The following FAM118B variants were observed in gnomAD, a reference collection of about 807,000 sequenced individuals.
FAM118B encodes the protein protein FAM118B.
Under a neutral mutation model 38.5 loss-of-function variants are expected in FAM118B, and 24 were observed. That is an observed-to-expected ratio of 0.62 (90% CI 0.45 to 0.88). The LOEUF (loss-of-function observed/expected upper bound fraction) is 0.88, where lower values mean the gene tolerates loss of function less well. Among genes scored for constraint, FAM118B ranks in the 40% least tolerant of loss-of-function variants. The pLI, the probability that FAM118B is intolerant of heterozygous loss-of-function variation, is 0.00. For missense variants in FAM118B, 334 were observed against 420.0 expected, an observed-to-expected ratio of 0.80 and a Z score of 1.79; for synonymous variants, 138 against 156.3, an observed-to-expected ratio of 0.88 and a Z score of 0.87.
intron 3 of FAM118B, among the ~76,000 whole-genome samples, chr11:126,235,557 C>T (rs687491): frequency 0.19 from 28,127 of 151,776 alleles, 2,731 homozygotes; most frequent in South Asian, 0.23. Flanking sequence ...CTTGCTGTGT[C>T]GCCCAAGCTG....
intron 2 of FAM118B, among the ~76,000 whole-genome samples, chr11:126,229,991 G>A (rs1157480907): frequency 6.6e-6 from 1 of 152,186 alleles, no homozygotes; most frequent in African/African-American, 2.4e-5. Context: ...AAATGAGTGT[G>A]ATACAGATCT....
chr11:126,252,165 T>G lies in FAM118B; in HGVS notation c.567+1432T>G, dbSNP rs1197282641. On this transcript the variant is annotated intron_variant, in intron 5 of 8. Coordinates refer to ENST00000533050, the MANE Select transcript of FAM118B (RefSeq NM_024556.4). The surrounding 1 kb of genome is among the most constrained non-coding windows in gnomAD (Gnocchi z 4.7). Reference sequence around the variant, plus strand: ...TCACGTCTGGCTAATTTTTGTATTTTCAGTAGAGACAGGGTTTCACCATGT... The same window carrying G: ...TCACGTCTGGCTAATTTTTGTATTTGCAGTAGAGACAGGGTTTCACCATGT... Among the ~76,000 whole-genome samples the G allele has an allele frequency of 6.6e-6, 1 of 151,890 alleles. No individual in the cohort carries two copies. Among genetic ancestry groups the G allele is most frequent in the African/African-American group, 2.4e-5 (1 of 41,328 alleles).
chr11:126,225,561 A>AT (rs1391177815), intron 1 of FAM118B, among the ~76,000 whole-genome samples: 10 of 152,090 alleles, frequency 6.6e-5, no homozygotes, highest in Non-Finnish European at 1.5e-5. Flanking sequence ...TCTGAATTTT[A>AT]TTTTTTGTAA....
intron 8 of FAM118B, among the ~76,000 whole-genome samples, chr11:126,261,841 A>T (rs766469206): frequency 7.9e-5 from 12 of 152,230 alleles, no homozygotes; most frequent in South Asian, 2.1e-4. Context: ...AAATTTTTTT[A>T]AATTGCTAGG....
chr11:126,252,269 GAGCCACCACACCC>G lies in FAM118B; in HGVS notation c.567+1540_567+1552del, dbSNP rs1950514989. The stretch of plus-strand genomic sequence containing the variant: ...CCCAAAGTGCTGGGATTACAGGCAT[GAGCCACCACACCC>G]AGCACAGTTTTTATCTTGGCTGTTT... On this transcript the variant is annotated intron_variant, in intron 5 of 8. Transcript: ENST00000533050. The surrounding 1 kb of genome is among the most constrained non-coding windows in gnomAD (Gnocchi z 4.7). Among the ~76,000 whole-genome samples, 1 of 152,184 alleles carries G rather than the reference GAGCCACCACACCC, an allele frequency of 6.6e-6. No homozygotes were observed. Among genetic ancestry groups the G allele is most frequent in the Admixed American group, 6.5e-5 (1 of 15,274 alleles).
chr11:126,251,784 G>A (rs1950507867), intron 5 of FAM118B, among the ~76,000 whole-genome samples: 1 of 147,342 alleles, frequency 6.8e-6, no homozygotes, highest in South Asian at 2.2e-4. Flanking sequence ...CTGGGTTCAA[G>A]TGATTCTCCT....
At position 126,250,371 on chromosome 11, in the gene FAM118B, GTGAGCCAC is replaced by G. The variant is rs1378477557; in HGVS notation, c.340-132_340-125del. 24 of 623,858 alleles carry G rather than the reference GTGAGCCAC, an allele frequency of 3.8e-5. No individual in the cohort carries two copies. The highest frequency in any genetic ancestry group is 1.2e-4 in the South Asian group (6 of 51,102). 38.6% of individuals were successfully genotyped at this position (623,858 alleles called of 1,614,324 possible). On this transcript the variant is annotated intron_variant, in intron 4 of 8. Transcript: ENST00000533050. The surrounding 1 kb of genome is among the most constrained non-coding windows in gnomAD (Gnocchi z 5.1). ...CTCCCAAAGTGCTGGGATTACAGGC[GTGAGCCAC>G]TGCGCCTGGCCTTTATCTCTGTTTT...
At chr11:126,227,320 C>T (rs755767979) in intron 1 of FAM118B, among the ~76,000 whole-genome samples, 2 of 152,078 alleles carry the variant, frequency 1.3e-5, no homozygotes, top group African/African-American at 2.4e-5. Context: ...GCTTGGCCTC[C>T]CAAAGTGCTG....
chr11:126,259,360 T>C (rs1256204180), intron 7 of FAM118B, among the ~76,000 whole-genome samples: 1 of 151,472 alleles, frequency 6.6e-6, no homozygotes, highest in Non-Finnish European at 1.5e-5. Flanking sequence ...TTTGGAAAAA[T>C]CAAGCAGTGG....
intron 1 of FAM118B, among the ~76,000 whole-genome samples, chr11:126,221,453 A>G (rs1400519923): frequency 1.3e-5 from 2 of 152,208 alleles, no homozygotes; most frequent in African/African-American, 4.8e-5. Flanking sequence ...TATTTCTACT[A>G]TTCAGAGATC....
chr11:126,226,928 T>C (rs1233241715), intron 1 of FAM118B, among the ~76,000 whole-genome samples: 1 of 133,992 alleles, frequency 7.5e-6, no homozygotes, highest in Non-Finnish European at 1.6e-5. Context: ...TGATCATGCC[T>C]GGGCAACAGT....
chr11:126,246,593 G>A (rs899425129), intron 4 of FAM118B, among the ~76,000 whole-genome samples: 1 of 152,074 alleles, frequency 6.6e-6, no homozygotes, highest in Non-Finnish European at 1.5e-5. Context: ...AGGCGGTGGG[G>A]GAACAGGTTT....
intron 2 of FAM118B, among the ~76,000 whole-genome samples, chr11:126,230,731 C>T (rs1486954046): frequency 6.6e-6 from 1 of 152,194 alleles, no homozygotes; most frequent in Non-Finnish European, 1.5e-5. Context: ...GAGGAGTATG[C>T]ACTGGACTTA....
intron 1 of FAM118B, among the ~76,000 whole-genome samples, chr11:126,215,696 C>CA (rs56687894): frequency 0.71 from 66,519 of 93,878 alleles, 23,240 homozygotes; most frequent in East Asian, 0.95. Context: ...GACTCCGTCT[C>CA]AAAAAAAAAA....
intron 8 of FAM118B, among the ~76,000 whole-genome samples, chr11:126,261,831 A>T (rs1274385627): frequency 6.6e-6 from 1 of 152,168 alleles, no homozygotes; most frequent in Non-Finnish European, 1.5e-5. Context: ...TCTACAAAAA[A>T]AATTTTTTTA....
intron 2 of FAM118B, among the ~76,000 whole-genome samples, chr11:126,229,782 T>C (rs952276838): frequency 1.3e-5 from 2 of 152,176 alleles, no homozygotes; most frequent in African/African-American, 4.8e-5. Context: ...ATGATTTATT[T>C]TGGGGGCTTA....
intron 1 of FAM118B, among the ~76,000 whole-genome samples, chr11:126,227,006 T>C (rs1189896130): frequency 6.6e-6 from 1 of 150,556 alleles, no homozygotes; most frequent in Non-Finnish European, 1.5e-5. Flanking sequence ...TATTAACTAT[T>C]GAATGATAAA....
At chr11:126,233,250 C>T (rs1035169099) in intron 2 of FAM118B, among the ~76,000 whole-genome samples, 4 of 151,896 alleles carry the variant, frequency 2.6e-5, no homozygotes, top group South Asian at 2.1e-4. Flanking sequence ...CTGAGGCGGG[C>T]GGATCACCTG....
intron 4 of FAM118B, among the ~76,000 whole-genome samples, chr11:126,248,839 G>A (rs889024527): frequency 6.6e-6 from 1 of 152,188 alleles, no homozygotes; most frequent in African/African-American, 2.4e-5. Flanking sequence ...AACGTTAGGG[G>A]ACCAGTCCAA....
Sources: gnomAD v4.1 joint callset for allele counts (sites outside exome capture counted in the v4.1 genomes callset) on GRCh38, gnomAD v4.1.1 for gene constraint, Gnocchi (gnomAD v3.1) non-coding constraint, MANE v1.5 for transcripts, NCBI Gene and HGNC (gene_info 2026-07-23, HGNC 2026-07-21) for gene names.